Variants in CAP2 observed in about 807,000 individuals in gnomAD.
CAP2 encodes the protein cyclase associated actin cytoskeleton regulatory protein 2.
Under a neutral mutation model 57.7 loss-of-function variants are expected in CAP2, and 24 were observed. The observed-to-expected ratio is 0.42, with a 90% confidence interval of 0.30 to 0.58. The LOEUF is 0.58. Ranked by LOEUF, CAP2 falls within the 20% of genes least tolerant of loss-of-function variation. The pLI is 0.22. For synonymous variants in CAP2, 194 were observed against 207.2 expected (o/e 0.94, Z 0.55); for missense variants, 501 against 590.3 (o/e 0.85, Z 1.57).
intron 3 of CAP2, among the ~76,000 whole-genome samples, chr6:17,446,951 G>C (rs377758922): frequency 6.6e-6 from 1 of 152,148 alleles, no homozygotes; most frequent in African/African-American, 2.4e-5. Flanking sequence ...ATGGTTGAGC[G>C]GTCATAGTGA....
intron 4 of CAP2, among the ~76,000 whole-genome samples, chr6:17,492,127 T>C (rs1449915330): frequency 1.3e-5 from 2 of 152,212 alleles, no homozygotes; most frequent in African/African-American, 4.8e-5. Context: ...GCAGTACCCA[T>C]GTGCGATGCT....
chr6:17,496,779 CAG>C (rs1462417638), intron 4 of CAP2, among the ~76,000 whole-genome samples: 2 of 152,184 alleles, frequency 1.3e-5, no homozygotes, highest in African/African-American at 4.8e-5. Context: ...TTAACACTCA[CAG>C]GGGAGTTGTT....
chr6:17,405,039 A>C (rs1647609288), intron 1 of CAP2, among the ~76,000 whole-genome samples: 1 of 152,150 alleles, frequency 6.6e-6, no homozygotes, highest in African/African-American at 2.4e-5. Context: ...GGATAGTACC[A>C]AATCCTACAT....
chr6:17,526,805 A>G (rs550118515), intron 7 of CAP2, among the ~76,000 whole-genome samples: 1 of 151,830 alleles, frequency 6.6e-6, no homozygotes, highest in Admixed American at 6.6e-5. Flanking sequence ...TAAAAATACA[A>G]AATTAGCCGG....
intron 7 of CAP2, chr6:17,530,909 A>G: frequency 7.0e-7 from 1 of 1,437,856 alleles, no homozygotes; most frequent in African/African-American, 1.4e-5. Flanking sequence ...TCATTCTTCT[A>G]ATAAGCCTGT....
intron 12 of CAP2, among the ~76,000 whole-genome samples, chr6:17,552,606 G>A (rs1208153614): frequency 4.6e-5 from 7 of 152,090 alleles, no homozygotes; most frequent in East Asian, 1.9e-4. Context: ...CATTCCAGCC[G>A]GGGCGACAGA....
intron 3 of CAP2, among the ~76,000 whole-genome samples, chr6:17,444,843 C>CACA (rs1554123214): frequency 4.3e-5 from 6 of 139,736 alleles, no homozygotes; most frequent in East Asian, 4.0e-4. Context: ...CACACACACA[C>CACA]AACACGAGTC....
At chr6:17,519,373 G>A (rs1469785597) in intron 7 of CAP2, among the ~76,000 whole-genome samples, 1 of 152,112 alleles carries the variant, frequency 6.6e-6, no homozygotes. Context: ...TTGGGTGGGA[G>A]GAGGCAGCTG....
chr6:17,451,751 C>A (rs896808083), intron 3 of CAP2, among the ~76,000 whole-genome samples: 19 of 152,270 alleles, frequency 1.2e-4, no homozygotes, highest in Admixed American at 9.8e-4. Context: ...CGCAGGTGAT[C>A]CACCAGCCTC....
At chr6:17,483,210 GTGTCT>G (rs369609713) in intron 4 of CAP2, among the ~76,000 whole-genome samples, 114 of 152,270 alleles carry the variant, frequency 7.5e-4, no homozygotes, top group African/African-American at 2.5e-3. Context: ...TGTGTTTGTT[GTGTCT>G]TGTTTTCTTA....
At position 17,530,589 on chromosome 6, in the gene CAP2, T is replaced by A. The variant is rs1762617325; in HGVS notation, c.637-8680T>A. ...CGAGGAGGGGCTCATAAAGGAAGGA[T>A]GAGGGAGAGGAAATACCCATGAACA... On this transcript the variant is annotated intron_variant, in intron 7 of 12. Transcript: ENST00000229922. Among the ~76,000 whole-genome samples, 10 of 152,110 alleles carry A rather than the reference T, an allele frequency of 6.6e-5. No homozygotes were observed. In the South Asian group the frequency reaches 2.1e-3, roughly 32 times the overall value.
intron 4 of CAP2, among the ~76,000 whole-genome samples, chr6:17,484,498 A>G (rs1761373775): frequency 6.6e-6 from 1 of 152,080 alleles, no homozygotes; most frequent in Non-Finnish European, 1.5e-5. Context: ...CATCTGTCAG[A>G]CTCATTTCAG....
intron 7 of CAP2, among the ~76,000 whole-genome samples, chr6:17,518,896 A>G (rs1762328668): frequency 6.6e-6 from 1 of 152,118 alleles, no homozygotes; most frequent in Non-Finnish European, 1.5e-5. Context: ...CCTCGGCCTC[A>G]GAAAGTGCTG....
chr6:17,456,285 T>C (rs889716939), intron 3 of CAP2, among the ~76,000 whole-genome samples: 13 of 152,190 alleles, frequency 8.5e-5, no homozygotes, highest in African/African-American at 3.1e-4. Context: ...GCATAATATG[T>C]CAACTCAGAT....
chr6:17,555,698 A>C (rs1202708255), intron 12 of CAP2, among the ~76,000 whole-genome samples: 5 of 151,616 alleles, frequency 3.3e-5, no homozygotes, highest in African/African-American at 1.2e-4. Flanking sequence ...CGAGTAGCTG[A>C]GACTACAGGC....
At chr6:17,473,392 C>T (rs982409090) in intron 4 of CAP2, among the ~76,000 whole-genome samples, 2 of 152,156 alleles carry the variant, frequency 1.3e-5, no homozygotes, top group Non-Finnish European at 2.9e-5. Context: ...TCATTTTACA[C>T]TGTGAAGCTC....
chr6:17,492,809 A>G (rs2113637145), intron 4 of CAP2, among the ~76,000 whole-genome samples: 1 of 152,214 alleles, frequency 6.6e-6, no homozygotes, highest in South Asian at 2.1e-4. Context: ...TATCCCTAAT[A>G]TGTCTGTTGT....
intron 3 of CAP2, among the ~76,000 whole-genome samples, chr6:17,444,489 T>C (rs181889606): frequency 1.3e-5 from 2 of 151,794 alleles, no homozygotes; most frequent in East Asian, 3.9e-4. Flanking sequence ...ATACAAAAAT[T>C]AACTGGGTGT....
At chr6:17,539,597 G>A (rs1248355500) in intron 8 of CAP2, 139 bp downstream of exon 8, 1 of 669,036 alleles carries the variant, frequency 1.5e-6, no homozygotes, top group African/African-American at 1.8e-5. Context: ...AACTGGTGCT[G>A]GGAAGACAGG....
Sources: gnomAD v4.1 joint callset for allele counts (sites outside exome capture counted in the v4.1 genomes callset) on GRCh38, gnomAD v4.1.1 for gene constraint, MANE v1.5 for transcripts, NCBI Gene and HGNC (gene_info 2026-07-23, HGNC 2026-07-21) for gene names.